The following AK5 variants were observed in gnomAD, a reference collection of about 807,000 sequenced individuals.
The protein encoded by AK5 is adenylate kinase 5, also known as adenylate kinase isoenzyme 5.
A neutral mutation model predicts 69.5 loss-of-function variants in AK5; 27 were observed. That is an observed-to-expected ratio of 0.39 (90% CI 0.29 to 0.54). The LOEUF (loss-of-function observed/expected upper bound fraction) is 0.54, where lower values mean the gene tolerates loss of function less well. Ranked by LOEUF, AK5 falls within the 20% of genes least tolerant of loss-of-function variation. AK5 has a pLI of 0.71. For missense variants in AK5, 531 were observed against 700.4 expected, an observed-to-expected ratio of 0.76 and a Z score of 2.73; for synonymous variants, 260 against 244.4, an observed-to-expected ratio of 1.06 and a Z score of -0.60.
chr1:77,340,281 G>T (rs1035934884), intron 5 of AK5, 96 bp from the exon 6 acceptor site: 1 of 1,236,842 alleles, frequency 8.1e-7, no homozygotes, highest in Non-Finnish European at 1.1e-6. Flanking sequence ...CAAATATATG[G>T]CAGCCTCCAC....
At chr1:77,451,543 A>G (rs2647525) in intron 8 of AK5, among the ~76,000 whole-genome samples, 39,036 of 152,046 alleles carry the variant, frequency 0.26, 5,270 homozygotes, top group South Asian at 0.4. Context: ...TCTGAATATT[A>G]CTCTAGGAGT....
chr1:77,468,525 C>T (rs1376936754), intron 8 of AK5, among the ~76,000 whole-genome samples: 1 of 152,264 alleles, frequency 6.6e-6, no homozygotes, highest in Non-Finnish European at 1.5e-5. Context: ...AGGGTCCAGC[C>T]CTGGATTTTG....
intron 10 of AK5, among the ~76,000 whole-genome samples, 179 bp downstream of exon 10, chr1:77,486,531 T>G (rs939706333): frequency 6.6e-6 from 1 of 151,610 alleles, no homozygotes; most frequent in Non-Finnish European, 1.5e-5. Flanking sequence ...CCATCTCTAG[T>G]AAAAATACAA....
Position 77,444,222 on chromosome 1 carries a change from G to GTA in AK5, c.1059+26518_1059+26519dup, listed in dbSNP as rs36079912. On this transcript the variant is annotated intron_variant, in intron 8 of 13. Coordinates refer to ENST00000354567, the MANE Select transcript of AK5 (RefSeq NM_174858.3). ...ATATATATATATATATACCACTTAT[G>GTA]TATATATATATAGTATATATATACA... Among the ~76,000 whole-genome samples the GTA allele has an allele frequency of 4.3e-3, 420 of 98,482 alleles. 13 individuals carry two copies. Among genetic ancestry groups the GTA allele is most frequent in the South Asian group, 0.012 (29 of 2,456 alleles). The allele number at this position is 98,482 out of a possible 152,430, so 64.6% of individuals were successfully genotyped here. A position where few individuals can be genotyped will look rare whatever the true frequency, so the allele number is the denominator to read the frequency against.
intron 5 of AK5, among the ~76,000 whole-genome samples, chr1:77,320,107 C>G (rs1469851662): frequency 1.3e-5 from 2 of 152,090 alleles, no homozygotes; most frequent in Admixed American, 1.3e-4. Context: ...AGAAAGGCAC[C>G]TTTTTCACAG....
intron 10 of AK5, among the ~76,000 whole-genome samples, chr1:77,507,401 G>A (rs12760589): frequency 6.6e-6 from 1 of 152,144 alleles, no homozygotes; most frequent in Non-Finnish European, 1.5e-5. Flanking sequence ...AATAGCTGTT[G>A]TAAGAATTAA....
intron 8 of AK5, among the ~76,000 whole-genome samples, chr1:77,422,174 A>G (rs1241786780): frequency 1.3e-5 from 2 of 151,982 alleles, no homozygotes; most frequent in Non-Finnish European, 2.9e-5. Context: ...GAAGCTACTC[A>G]GTTCTCCTGT....
At chr1:77,458,073 G>T (rs1191215862) in intron 8 of AK5, among the ~76,000 whole-genome samples, 1 of 145,246 alleles carries the variant, frequency 6.9e-6, no homozygotes, top group Non-Finnish European at 1.5e-5. Context: ...CTTCACTCCA[G>T]CTTGAGAGGC....
At chr1:77,304,762 A>C (rs1659545471) in intron 5 of AK5, among the ~76,000 whole-genome samples, 1 of 152,214 alleles carries the variant, frequency 6.6e-6, no homozygotes, top group Non-Finnish European at 1.5e-5. Flanking sequence ...GTTTGCTTGC[A>C]AATCTTAGCT....
intron 6 of AK5, among the ~76,000 whole-genome samples, chr1:77,342,209 C>CT (rs1210730267): frequency 6.6e-6 from 1 of 152,116 alleles, no homozygotes; most frequent in Non-Finnish European, 1.5e-5. Context: ...GTTACCAACA[C>CT]TAACTTCCAC....
At chr1:77,353,595 G>T (rs966923821) in intron 6 of AK5, among the ~76,000 whole-genome samples, 12 of 152,162 alleles carry the variant, frequency 7.9e-5, no homozygotes, top group African/African-American at 2.7e-4. Context: ...TCTAAACTGC[G>T]CAGTCTTACT....
intron 8 of AK5, among the ~76,000 whole-genome samples, chr1:77,442,070 A>G (rs1464877259): frequency 1.3e-5 from 2 of 152,174 alleles, no homozygotes; most frequent in South Asian, 2.1e-4. Flanking sequence ...TATGGCTGCA[A>G]TTTGGAAGCC....
chr1:77,302,357 T>C (rs887412521), intron 5 of AK5, among the ~76,000 whole-genome samples: 10 of 152,232 alleles, frequency 6.6e-5, no homozygotes, highest in Admixed American at 3.9e-4. Flanking sequence ...CATAAGTCCT[T>C]TTCCAGAGAT....
At chr1:77,369,955 G>T (rs1054647992) in intron 6 of AK5, among the ~76,000 whole-genome samples, 1 of 152,182 alleles carries the variant, frequency 6.6e-6, no homozygotes, top group African/African-American at 2.4e-5. Context: ...TATGGCATTT[G>T]CTATTAATGT....
chr1:77,522,042 T>C (rs1658019625), intron 12 of AK5, 99 bp downstream of exon 12: 5 of 966,360 alleles, frequency 5.2e-6, no homozygotes, highest in Non-Finnish European at 7.6e-6. Flanking sequence ...ATTACATTAA[T>C]GAAAACTTTA....
chr1:77,304,401 T>G (rs1027957594), intron 5 of AK5, among the ~76,000 whole-genome samples: 3 of 56,936 alleles, frequency 5.3e-5, no homozygotes, highest in African/African-American at 2.6e-4. Flanking sequence ...CCATATTTTC[T>G]TTTCTTTTCT....
At chr1:77,490,592 A>G (rs1655921454) in intron 10 of AK5, among the ~76,000 whole-genome samples, 1 of 152,196 alleles carries the variant, frequency 6.6e-6, no homozygotes, top group Admixed American at 6.5e-5. Flanking sequence ...AAAAGATTCT[A>G]TGGACTTCAG....
rs566827073 is a variant in AK5 at position 77,558,570 on chromosome 1, GACTA to G, written c.1621-28_1621-25del. 6.1e-6 allele frequency: 8 copies of G among 1,315,768 alleles called. No individual in the cohort carries two copies. The East Asian group carries it at 6.9e-5, about 11-fold the overall frequency. The allele number at this position is 1,315,768 out of a possible 1,614,324, so 81.5% of individuals were successfully genotyped here. On this transcript the variant is annotated intron_variant, in intron 13 of 13. Coordinates refer to ENST00000354567, the MANE Select transcript of AK5 (RefSeq NM_174858.3). Reference sequence around the variant, plus strand: ...TTAAACATGATTTACAGATATTTCAGACTAACTCTCTTTTTTTCCTTTTAAATAT... The same window carrying G: ...TTAAACATGATTTACAGATATTTCAGACTCTCTTTTTTTCCTTTTAAATAT...
chr1:77,518,508 T>C, intron 10 of AK5, 56 bp from the exon 11 acceptor site: 3 of 1,583,224 alleles, frequency 1.9e-6, no homozygotes, highest in Non-Finnish European at 2.6e-6. Flanking sequence ...GTGACTACCA[T>C]TAAAAATGAG....
Sources: gnomAD v4.1 joint callset for allele counts (sites outside exome capture counted in the v4.1 genomes callset) on GRCh38, gnomAD v4.1.1 for gene constraint, MANE v1.5 for transcripts, NCBI Gene and HGNC (gene_info 2026-07-23, HGNC 2026-07-21) for gene names.